Variants in SMAP1 observed in about 807,000 individuals in gnomAD.
The protein encoded by SMAP1 is small ArfGAP 1.
Under a neutral mutation model 58.5 loss-of-function variants are expected in SMAP1, and 24 were observed. That is an observed-to-expected ratio of 0.41 (90% confidence interval 0.30 to 0.58). The LOEUF (loss-of-function observed/expected upper bound fraction) is 0.58. Among genes scored for constraint, SMAP1 ranks in the 20% least tolerant of loss-of-function variants. The probability of loss-of-function intolerance (pLI) is 0.29; values close to 1 mark genes in which losing one functional copy is unlikely to be tolerated. For synonymous variants in SMAP1, 216 were observed against 196.6 expected, an observed-to-expected ratio of 1.10 and a Z score of -0.82; for missense variants, 563 against 566.3, an observed-to-expected ratio of 0.99 and a Z score of 0.06.
intron 2 of SMAP1, among the ~76,000 whole-genome samples, chr6:70,751,700 T>C (rs548871498): frequency 6.6e-6 from 1 of 152,158 alleles, no homozygotes; most frequent in African/African-American, 2.4e-5. Context: ...TTATCCCTCC[T>C]GTAGAAGTGA....
Position 70,798,711 on chromosome 6 carries a change from C to T in SMAP1, c.550C>T (p.Pro184Ser). Residue 184 changes from proline to serine, a missense_variant, in exon 6 of 11, where the codon CCG becomes TCG. By Grantham distance (74) the Pro-to-Ser change is moderately conservative. This residue lies in a region of SMAP1 where 494 missense variants were observed against 473.8 expected (regional missense o/e 1.04). Transcript: ENST00000370455. ...AAAGAGAGAAAAGGAGCCAGAAAAG[C>T]CGGCAAAACCACTTACAGCTGAAAA... Reference protein sequence around the residue: ...EKKREKEPEKPAKPLTAEKLQ... With the variant: ...EKKREKEPEKSAKPLTAEKLQ... The T allele has an allele frequency of 6.4e-7, 1 of 1,558,384 alleles. No homozygotes were observed. The highest frequency in any genetic ancestry group is 1.2e-5 in the South Asian group (1 of 80,310).
chr6:70,809,535 A>G (rs376961337), intron 6 of SMAP1, among the ~76,000 whole-genome samples: 10 of 152,226 alleles, frequency 6.6e-5, no homozygotes, highest in African/African-American at 2.2e-4. Flanking sequence ...ATTAAATTAA[A>G]TGGCTCATTG....
In SMAP1 at chr6:70,860,477, G is replaced by A; in HGVS notation, c.*143G>A. The A allele has an allele frequency of 1.1e-6, 1 of 942,142 alleles. No homozygotes were observed. The highest frequency in any genetic ancestry group is 1.5e-6 in the Non-Finnish European group (1 of 671,394). 58.4% of individuals were successfully genotyped at this position (942,142 alleles called of 1,614,324 possible). On this transcript the variant is annotated 3_prime_UTR_variant, in exon 11 of 11. Transcript: ENST00000370455. ...AAGAATGATCTGATTGACCGTGTTGGTCTGTACTGATTCAATTTGATGTGG... is the reference window on the plus strand; with the variant it reads ...AAGAATGATCTGATTGACCGTGTTGATCTGTACTGATTCAATTTGATGTGG...
At chr6:70,834,971 C>T (rs565597049) in intron 6 of SMAP1, among the ~76,000 whole-genome samples, 20 of 151,842 alleles carry the variant, frequency 1.3e-4, no homozygotes, top group East Asian at 5.8e-4. Flanking sequence ...AGAATTGGGC[C>T]GGGCGCAGTG....
intron 1 of SMAP1, chr6:70,693,702 G>A (rs1767281193): frequency 6.6e-6 from 1 of 152,580 alleles, no homozygotes; most frequent in South Asian, 2.1e-4. Context: ...AGGCCAGGTT[G>A]GCTAAAGCTT....
chr6:70,850,836 C>T (rs1255771072), intron 7 of SMAP1, among the ~76,000 whole-genome samples: 3 of 151,962 alleles, frequency 2.0e-5, no homozygotes, highest in Non-Finnish European at 4.4e-5. Flanking sequence ...ATGTACTATA[C>T]ATCATGTAAA....
intron 5 of SMAP1, among the ~76,000 whole-genome samples, chr6:70,792,486 T>C (rs1768406894): frequency 6.6e-6 from 1 of 151,978 alleles, no homozygotes; most frequent in Admixed American, 6.6e-5. Flanking sequence ...GAGCTTACAG[T>C]CTAAGGCAAG....
At chr6:70,803,877 C>G (rs1309827406) in intron 6 of SMAP1, among the ~76,000 whole-genome samples, 1 of 152,230 alleles carries the variant, frequency 6.6e-6, no homozygotes, top group South Asian at 2.1e-4. Context: ...GATTTCTGTT[C>G]TTTTACGTTT....
At chr6:70,818,870 T>G (rs560577041) in intron 6 of SMAP1, among the ~76,000 whole-genome samples, 1 of 151,750 alleles carries the variant, frequency 6.6e-6, no homozygotes, top group Admixed American at 6.6e-5. Flanking sequence ...TTTATTGATA[T>G]TTTAATTCAT....
At position 70,801,220 on chromosome 6, in the gene SMAP1, G is replaced by A. The variant is rs9364107; in HGVS notation, c.576+2483G>A. Among the ~76,000 whole-genome samples the A allele has an allele frequency of 1.0e-3, 156 of 152,232 alleles. 4 individuals are homozygous for A. The East Asian group carries it at 0.027, about 26-fold the overall frequency. ...TTTAATGATCGCGATTCTACCTGGCGTGAGATGGTATCTCATCGTGGTTTT... is the reference window on the plus strand; with the variant it reads ...TTTAATGATCGCGATTCTACCTGGCATGAGATGGTATCTCATCGTGGTTTT... On this transcript the variant is annotated intron_variant, in intron 6 of 10. Transcript: ENST00000370455.
intron 3 of SMAP1, among the ~76,000 whole-genome samples, chr6:70,756,529 G>A (rs991243035): frequency 6.6e-6 from 1 of 152,060 alleles, no homozygotes; most frequent in Non-Finnish European, 1.5e-5. Flanking sequence ...AATTGTGTGA[G>A]TAAAAGTATG....
Position 70,800,164 on chromosome 6 carries a change from C to G in SMAP1, c.576+1427C>G, listed in dbSNP as rs560178823. On this transcript the variant is annotated intron_variant, in intron 6 of 10. Coordinates refer to ENST00000370455, the MANE Select transcript of SMAP1 (RefSeq NM_001044305.3). Reference sequence around the variant, plus strand: ...GGGTGTGATGGTGCACCTCTGTAGTCCCCAGCTACTTGGGAGGCTGAGGTG... The same window carrying G: ...GGGTGTGATGGTGCACCTCTGTAGTGCCCAGCTACTTGGGAGGCTGAGGTG... Among the ~76,000 whole-genome samples, 47 of 151,952 alleles carry G rather than the reference C, an allele frequency of 3.1e-4. 1 individual carries two copies. Among genetic ancestry groups the G allele is most frequent in the Admixed American group, 2.4e-3 (36 of 15,246 alleles).
intron 7 of SMAP1, among the ~76,000 whole-genome samples, chr6:70,850,651 C>T (rs1771150649): frequency 6.6e-6 from 1 of 151,804 alleles, no homozygotes; most frequent in African/African-American, 2.4e-5. Context: ...GATGTTTGCC[C>T]ATCTCTAACT....
chr6:70,675,307 C>T (rs1362069914), intron 1 of SMAP1, among the ~76,000 whole-genome samples: 2 of 147,976 alleles, frequency 1.4e-5, no homozygotes, highest in East Asian at 4.1e-4. Flanking sequence ...AATATTATTA[C>T]CCAGGTACAC....
intron 1 of SMAP1, among the ~76,000 whole-genome samples, chr6:70,701,746 A>G (rs920724513): frequency 2.6e-5 from 4 of 152,176 alleles, no homozygotes; most frequent in African/African-American, 9.7e-5. Flanking sequence ...TGAGGAGGGT[A>G]GTGTAGGCAA....
chr6:70,703,358 G>A (rs1169506348), intron 1 of SMAP1, among the ~76,000 whole-genome samples: 1 of 152,154 alleles, frequency 6.6e-6, no homozygotes, highest in African/African-American at 2.4e-5. Context: ...ACAGGTGTGA[G>A]CCACCACGCT....
At chr6:70,725,973 G>A (rs946177571) in intron 1 of SMAP1, among the ~76,000 whole-genome samples, 2 of 152,154 alleles carry the variant, frequency 1.3e-5, no homozygotes, top group African/African-American at 2.4e-5. Context: ...CCCCCAGCCA[G>A]TATAAGGGAA....
intron 5 of SMAP1, 140 bp downstream of exon 5, chr6:70,791,909 A>T: frequency 4.8e-6 from 3 of 621,148 alleles, no homozygotes; most frequent in Admixed American, 7.0e-5. Flanking sequence ...AATTTCTAGA[A>T]TTTTTTTATA....
Position 70,798,666 on chromosome 6 carries a change from G to GAA in SMAP1, c.514_515dup (p.Glu173ArgfsTer48). 6.9e-6 allele frequency: 9 copies of GAA among 1,307,510 alleles called. No individual in the cohort carries two copies. Among genetic ancestry groups the GAA allele is most frequent in the Non-Finnish European group, 7.1e-6 (7 of 992,472 alleles). The allele number at this position is 1,307,510 out of a possible 1,614,324, so 81.0% of individuals were successfully genotyped here. A position where few individuals can be genotyped will look rare whatever the true frequency, so the allele number is the denominator to read the frequency against. On this transcript the variant is annotated frameshift_variant, in exon 6 of 11. Transcript: ENST00000370455. LOFTEE classifies it high-confidence loss of function. ...TTGGGCTGTGTTTTAGAAAGAAAAG[G>GAA]AAAAAAAAAAGGAAGAGAAAAAGAG...
Sources: gnomAD v4.1 joint callset for allele counts (sites outside exome capture counted in the v4.1 genomes callset) on GRCh38, gnomAD v4.1.1 for gene constraint, gnomAD v4.1.1 regional missense constraint, MANE v1.5 for transcripts, NCBI Gene and HGNC (gene_info 2026-07-23, HGNC 2026-07-21) for gene names.